CARMIL1: variants seen among roughly 807,000 people sequenced by gnomAD.
CARMIL1 encodes the protein F-actin-uncapping protein LRRC16A.
In CARMIL1, 90 loss-of-function variants were observed where a neutral mutation model predicts 177.1. The observed-to-expected ratio is 0.51, with a 90% confidence interval of 0.43 to 0.61. CARMIL1 has a LOEUF of 0.61. Ranked by LOEUF, CARMIL1 falls within the 20% of genes least tolerant of loss-of-function variation. The pLI is 0.00. For synonymous variants in CARMIL1, 577 were observed against 606.2 expected (o/e 0.95, Z 0.71); for missense variants, 1,380 against 1,667.0 (o/e 0.83, Z 3.00).
chr6:25,332,768 C>CGT (rs1785787672), intron 2 of CARMIL1, among the ~76,000 whole-genome samples: 1 of 139,878 alleles, frequency 7.1e-6, no homozygotes, highest in Non-Finnish European at 1.6e-5. Flanking sequence ...CACACACACA[C>CGT]ACACGCGCAC....
intron 2 of CARMIL1, among the ~76,000 whole-genome samples, chr6:25,363,076 G>C (rs1317468644): frequency 6.6e-6 from 1 of 152,094 alleles, no homozygotes; most frequent in Non-Finnish European, 1.5e-5. Context: ...CACACAGTGG[G>C]TGAAGAAAGT....
intron 29 of CARMIL1, among the ~76,000 whole-genome samples, chr6:25,574,045 C>A (rs1246635316): frequency 6.6e-6 from 1 of 152,110 alleles, no homozygotes; most frequent in Non-Finnish European, 1.5e-5. Flanking sequence ...TTTAAAGTTT[C>A]TTTCCATGTG....
chr6:25,366,394 T>G (rs1303946041), intron 2 of CARMIL1, among the ~76,000 whole-genome samples: 1 of 152,086 alleles, frequency 6.6e-6, no homozygotes, highest in African/African-American at 2.4e-5. Flanking sequence ...CAAATCTCTG[T>G]ACAATGTTAC....
chr6:25,327,119 T>C (rs1236865560), intron 2 of CARMIL1, among the ~76,000 whole-genome samples: 1 of 151,468 alleles, frequency 6.6e-6, no homozygotes, highest in South Asian at 2.1e-4. Context: ...GACTTGCCAG[T>C]GTACAGGGAG....
chr6:25,299,762 G>A (rs1192321667), intron 2 of CARMIL1, among the ~76,000 whole-genome samples: 2 of 151,910 alleles, frequency 1.3e-5, no homozygotes, highest in Non-Finnish European at 2.9e-5. Context: ...GATCACCTGA[G>A]GTCAGGAGTT....
At chr6:25,366,691 T>G (rs749831834) in intron 2 of CARMIL1, among the ~76,000 whole-genome samples, 5 of 151,334 alleles carry the variant, frequency 3.3e-5, no homozygotes, top group Non-Finnish European at 5.9e-5. Flanking sequence ...AGATTAAAGA[T>G]TTGTATGAAT....
intron 2 of CARMIL1, among the ~76,000 whole-genome samples, chr6:25,289,638 C>T (rs574870057): frequency 6.6e-6 from 1 of 152,322 alleles, no homozygotes; most frequent in South Asian, 2.1e-4. Context: ...AGCCACTAAT[C>T]TGTTCTCCAT....
intron 17 of CARMIL1, among the ~76,000 whole-genome samples, chr6:25,503,511 T>C (rs999577297): frequency 3.3e-5 from 5 of 152,236 alleles, no homozygotes; most frequent in African/African-American, 1.2e-4. Context: ...GCTTGACACT[T>C]TGAGTGTTAA....
intron 5 of CARMIL1, among the ~76,000 whole-genome samples, chr6:25,440,491 T>C (rs1449055588): frequency 6.6e-6 from 1 of 152,234 alleles, no homozygotes; most frequent in East Asian, 1.9e-4. Context: ...ATAAGCCTAA[T>C]ATTTTGTGGT....
At chr6:25,432,779 G>C (rs1174117616) in intron 4 of CARMIL1, 1 of 152,136 alleles carries the variant, frequency 6.6e-6, no homozygotes, top group Non-Finnish European at 1.5e-5. Context: ...CAACTCACAG[G>C]TCTGTTAGCT....
intron 2 of CARMIL1, among the ~76,000 whole-genome samples, chr6:25,373,016 T>G (rs1486529095): frequency 6.6e-6 from 1 of 152,220 alleles, no homozygotes; most frequent in Non-Finnish European, 1.5e-5. Context: ...GATTTTTGTG[T>G]TTTTAAAAAA....
At chr6:25,590,365 C>G (rs1396718479) in intron 31 of CARMIL1, among the ~76,000 whole-genome samples, 1 of 152,102 alleles carries the variant, frequency 6.6e-6, no homozygotes, top group African/African-American at 2.4e-5. Context: ...TTTTAATACA[C>G]TGCTAGGCTT....
intron 15 of CARMIL1, among the ~76,000 whole-genome samples, chr6:25,493,847 G>A (rs551271823): frequency 6.6e-6 from 1 of 152,248 alleles, no homozygotes; most frequent in South Asian, 2.1e-4. Context: ...TCAGCAGAAA[G>A]TGAACAAGAA....
intron 2 of CARMIL1, among the ~76,000 whole-genome samples, chr6:25,347,386 G>A (rs1405865091): frequency 6.6e-6 from 1 of 152,192 alleles, no homozygotes; most frequent in Non-Finnish European, 1.5e-5. Flanking sequence ...GCTATTGCAT[G>A]TAACTATAAA....
At chr6:25,334,834 T>C (rs1238632157) in intron 2 of CARMIL1, among the ~76,000 whole-genome samples, 1 of 152,162 alleles carries the variant, frequency 6.6e-6, no homozygotes, top group Admixed American at 6.5e-5. Context: ...TGCTGGCAAA[T>C]CTTTAGTTGG....
At chr6:25,329,985 C>A (rs1325410066) in intron 2 of CARMIL1, among the ~76,000 whole-genome samples, 1 of 152,184 alleles carries the variant, frequency 6.6e-6, no homozygotes, top group Non-Finnish European at 1.5e-5. Context: ...GTCAGACATT[C>A]ATTGTTAAAA....
At chr6:25,307,303 A>G (rs1783353432) in intron 2 of CARMIL1, among the ~76,000 whole-genome samples, 2 of 152,222 alleles carry the variant, frequency 1.3e-5, no homozygotes, top group Admixed American at 1.3e-4. Context: ...AGCACTTTAT[A>G]TACTTACATT....
chr6:25,488,237 TG>T (rs1802861245), intron 12 of CARMIL1, among the ~76,000 whole-genome samples: 1 of 152,200 alleles, frequency 6.6e-6, no homozygotes, highest in Non-Finnish European at 1.5e-5. Flanking sequence ...TCAGAAGACA[TG>T]GATCAAAGGG....
At chr6:25,330,600 C>A (rs577924837) in intron 2 of CARMIL1, among the ~76,000 whole-genome samples, 3 of 151,802 alleles carry the variant, frequency 2.0e-5, no homozygotes, top group Non-Finnish European at 4.4e-5. Flanking sequence ...AGCACTTTCT[C>A]AGGCTGAGGC....
Sources: gnomAD v4.1 joint callset for allele counts (sites outside exome capture counted in the v4.1 genomes callset) on GRCh38, gnomAD v4.1.1 for gene constraint, MANE v1.5 for transcripts, NCBI Gene and HGNC (gene_info 2026-07-23, HGNC 2026-07-21) for gene names.